Variants in LRRC37A2 observed in about 807,000 individuals in gnomAD.
LRRC37A2 encodes leucine rich repeat containing 37 member A2.
A neutral mutation model predicts 68.8 loss-of-function variants in LRRC37A2; 9 were observed. The ratio of observed to expected loss-of-function variants is 0.13; its 90% CI spans 0.08 to 0.23. LRRC37A2 has a LOEUF of 0.23. Ranked by LOEUF, LRRC37A2 falls within the 10% of genes least tolerant of loss-of-function variation. LRRC37A2 has a pLI of 1.00. For missense variants in LRRC37A2, 168 were observed against 950.4 expected, an observed-to-expected ratio of 0.18 and a Z score of 10.82; for synonymous variants, 63 against 367.6, an observed-to-expected ratio of 0.17 and a Z score of 9.48.
the LRRC37A2 span, among the ~76,000 whole-genome samples, chr17:46,891,846 A>G: frequency 6.6e-6 from 1 of 151,936 alleles, no homozygotes; most frequent in African/African-American, 2.4e-5. Context: ...TTTCTAGTGA[A>G]GGTTAATGGC....
chr17:46,830,476 A>G, the LRRC37A2 span: 2 of 391,602 alleles, frequency 5.1e-6, no homozygotes, highest in African/African-American at 4.1e-5. Context: ...CTGATCTCCA[A>G]CTCTTGGGCT....
At chr17:46,848,213 G>A in the LRRC37A2 span, among the ~76,000 whole-genome samples, 1 of 152,190 alleles carries the variant, frequency 6.6e-6, no homozygotes, top group African/African-American at 2.4e-5. Flanking sequence ...CCAAATGCCT[G>A]GACTTGGGCT....
the LRRC37A2 span, among the ~76,000 whole-genome samples, chr17:46,492,998 GTTT>G: frequency 1.6e-4 from 21 of 130,074 alleles, no homozygotes; most frequent in African/African-American, 3.4e-4. Context: ...CTGGCCTCAA[GTTT>G]TTTTTTTTTT....
the LRRC37A2 span, among the ~76,000 whole-genome samples, chr17:46,849,236 C>T: frequency 6.6e-5 from 10 of 152,246 alleles, no homozygotes; most frequent in African/African-American, 7.2e-5. Context: ...ATGTCTCCAT[C>T]GAGTCTTGGG....
the LRRC37A2 span, among the ~76,000 whole-genome samples, chr17:46,914,014 C>T: frequency 6.6e-6 from 1 of 152,230 alleles, no homozygotes; most frequent in African/African-American, 2.4e-5. Flanking sequence ...TTGCCTCGGC[C>T]TCCCAAAGTG....
the LRRC37A2 span, among the ~76,000 whole-genome samples, chr17:46,814,218 A>G: frequency 1.3e-5 from 2 of 152,208 alleles, no homozygotes; most frequent in South Asian, 4.1e-4. Context: ...AAATGCTCTG[A>G]GAGTCTAGAA....
chr17:46,907,049 C>G, the LRRC37A2 span, among the ~76,000 whole-genome samples: 1 of 152,298 alleles, frequency 6.6e-6, no homozygotes, highest in East Asian at 1.9e-4. Flanking sequence ...AGTCACTGGC[C>G]CAACACAGGT....
chr17:46,932,050 C>G, the LRRC37A2 span: 5 of 1,611,462 alleles, frequency 3.1e-6, no homozygotes, highest in Non-Finnish European at 4.2e-6. Flanking sequence ...TTTAATCTCT[C>G]TCTCCATCAA....
the LRRC37A2 span, among the ~76,000 whole-genome samples, chr17:46,610,055 C>CTT: frequency 7.3e-6 from 1 of 136,176 alleles, no homozygotes; most frequent in Non-Finnish European, 1.7e-5. Context: ...TTCTTTCTTT[C>CTT]TTTCTTTCTT....
the LRRC37A2 span, chr17:46,710,822 G>A: frequency 1.5e-6 from 1 of 678,378 alleles, no homozygotes; most frequent in South Asian, 3.3e-5. Flanking sequence ...AATTATACAA[G>A]TTGTTTTGCT....
At chr17:47,012,788 A>C in the LRRC37A2 span, among the ~76,000 whole-genome samples, 2 of 152,244 alleles carry the variant, frequency 1.3e-5, no homozygotes, top group Admixed American at 1.3e-4. Context: ...GGAATGCAAA[A>C]TGATGCAGTC....
chr17:46,964,799 C>G, the LRRC37A2 span: 1 of 151,918 alleles, frequency 6.6e-6, no homozygotes, highest in East Asian at 1.9e-4. Flanking sequence ...ATTAAGGGCT[C>G]CAAAATTAAA....
chr17:46,878,373 T>C, the LRRC37A2 span, among the ~76,000 whole-genome samples: 2 of 152,206 alleles, frequency 1.3e-5, no homozygotes, highest in East Asian at 3.9e-4. Flanking sequence ...GCCAACTCCC[T>C]GAGACCTCCA....
the LRRC37A2 span, among the ~76,000 whole-genome samples, chr17:46,721,343 G>A: frequency 9.9e-5 from 15 of 151,082 alleles, no homozygotes; most frequent in African/African-American, 2.7e-4. Flanking sequence ...TAGACTTCCC[G>A]TTATTTCATG....
chr17:46,833,496 C>A, the LRRC37A2 span: 1 of 463,834 alleles, frequency 2.2e-6, no homozygotes, highest in Non-Finnish European at 4.3e-6. Context: ...ATCTGGTCAC[C>A]TCACTGCCTG....
the LRRC37A2 span, chr17:46,833,411 C>T: frequency 1.9e-6 from 1 of 517,778 alleles, no homozygotes; most frequent in South Asian, 1.4e-5. Flanking sequence ...GTCCTGGGAG[C>T]CTTACCAGCC....
the LRRC37A2 span, among the ~76,000 whole-genome samples, chr17:46,767,124 G>A: frequency 1.3e-5 from 2 of 152,056 alleles, no homozygotes; most frequent in Non-Finnish European, 2.9e-5. Context: ...CTTCCACCCC[G>A]GGGGTCCAGG....
At chr17:46,952,233 G>T in the LRRC37A2 span, among the ~76,000 whole-genome samples, 1 of 152,184 alleles carries the variant, frequency 6.6e-6, no homozygotes. Context: ...CTGTGCCACG[G>T]GACTCAGCGA....
the LRRC37A2 span, among the ~76,000 whole-genome samples, chr17:46,896,392 G>GAGAAAGAAAGAAAGAA: frequency 3.4e-5 from 3 of 88,782 alleles, no homozygotes; most frequent in Non-Finnish European, 4.6e-5. Flanking sequence ...AAGAAAGAAA[G>GAGAAAGAAAGAAAGAA]AGAAAGAAAG....
Sources: allele counts gnomAD v4.1 joint callset (sites outside exome capture counted in the v4.1 genomes callset), GRCh38; gene constraint gnomAD v4.1.1; transcripts MANE v1.5; gene names NCBI Gene and HGNC (gene_info 2026-07-23, HGNC 2026-07-21).